LMBR1: variants seen among roughly 807,000 people sequenced by gnomAD.
LMBR1 encodes the protein limb development membrane protein 1.
LMBR1 carries 52 observed loss-of-function variants against 73.9 expected under a neutral mutation model. The ratio of observed to expected loss-of-function variants is 0.70; its 90% CI spans 0.56 to 0.89. The LOEUF (loss-of-function observed/expected upper bound fraction) is 0.89. Among genes scored for constraint, LMBR1 ranks in the 40% least tolerant of loss-of-function variants. The pLI, the probability that LMBR1 is intolerant of heterozygous loss-of-function variation, is 0.00. For missense variants in LMBR1, 539 were observed against 579.8 expected (o/e 0.93, Z 0.72); for synonymous variants, 215 against 209.4 (o/e 1.03, Z -0.23).
At chr7:156,674,812 G>C (rs539131506), downstream of LMBR1, among the ~76,000 whole-genome samples, 1 of 152,186 alleles carries the variant, frequency 6.6e-6, no homozygotes, top group Non-Finnish European at 1.5e-5. Flanking sequence ...TAATGTGACT[G>C]CCAGAAATTT....
chr7:156,674,647 T>G (rs1260165578), downstream of LMBR1, among the ~76,000 whole-genome samples: 1 of 152,086 alleles, frequency 6.6e-6, no homozygotes, highest in Non-Finnish European at 1.5e-5. Flanking sequence ...GCACTCCAGT[T>G]TGGGTGACAG....
rs147178183 is a variant in LMBR1 at position 156,692,799 on chromosome 7, G to A, written c.1226-4608C>T. ...CAACTGACCAGTGTATGCTTGTGGG[G>A]AGCAACTAATCAAGAAATGAAGCAG... On this transcript the variant is annotated intron_variant, in intron 15 of 16. Transcript: ENST00000353442. Among the ~76,000 whole-genome samples, 635 of 152,294 alleles carry A rather than the reference G, an allele frequency of 4.2e-3. 2 individuals are homozygous for A. The highest frequency in any genetic ancestry group is 0.014 in the African/African-American group (596 of 41,576).
chr7:156,796,281 A>AT, intron 5 of LMBR1, 108 bp downstream of exon 5: 1 of 698,586 alleles, frequency 1.4e-6, no homozygotes, highest in Non-Finnish European at 2.4e-6. Flanking sequence ...TTTACTACGC[A>AT]TTTTTTATAT....
intron 15 of LMBR1, among the ~76,000 whole-genome samples, chr7:156,701,085 A>T (rs1585255293): frequency 6.6e-6 from 1 of 151,966 alleles, no homozygotes; most frequent in African/African-American, 2.4e-5. Flanking sequence ...TGATTCAATT[A>T]CCTCCCACCA....
At chr7:156,887,475 A>G (rs932609525) in intron 1 of LMBR1, among the ~76,000 whole-genome samples, 4 of 151,820 alleles carry the variant, frequency 2.6e-5, no homozygotes, top group Non-Finnish European at 5.9e-5. Flanking sequence ...AAAAAAAAAA[A>G]AAAAAAAAAA....
intron 3 of LMBR1, among the ~76,000 whole-genome samples, chr7:156,829,227 A>T (rs1012055775): frequency 8.5e-5 from 13 of 152,180 alleles, no homozygotes; most frequent in African/African-American, 3.1e-4. Context: ...CTTTACTAAG[A>T]ATTCTTTGTT....
intron 5 of LMBR1, among the ~76,000 whole-genome samples, chr7:156,793,732 G>A (rs964567349): frequency 1.3e-5 from 2 of 152,144 alleles, no homozygotes; most frequent in South Asian, 4.1e-4. Flanking sequence ...TGCATTTAAA[G>A]ACTACCTCGA....
rs1357981668 is a variant in LMBR1, at chr7:156,669,590, G to A, written n.867-303C>T. 1.3e-5 allele frequency among the ~76,000 whole-genome samples: 2 copies of A among 152,194 alleles called. No individual in the cohort carries two copies. Among genetic ancestry groups the A allele is most frequent in the African/African-American group, 4.8e-5 (2 of 41,446 alleles). On this transcript the variant is annotated intron_variant and non_coding_transcript_variant, in intron 4 of 4. Transcript: ENST00000430825. This position sits in a 1 kb window ranked among gnomAD's most constrained non-coding sequence, Gnocchi z 4.2. Reference sequence around the variant, plus strand: ...CAGACCCCTGTGAGGCCCTGAGCTGGGCGCTGAGCAGATAGGTCATTTTCA... The same window carrying A: ...CAGACCCCTGTGAGGCCCTGAGCTGAGCGCTGAGCAGATAGGTCATTTTCA...
intron 8 of LMBR1, among the ~76,000 whole-genome samples, chr7:156,756,954 C>G (rs1445457073): frequency 6.6e-6 from 1 of 152,094 alleles, no homozygotes; most frequent in Non-Finnish European, 1.5e-5. Flanking sequence ...GTAGCTGGAA[C>G]TACAGGCACA....
At chr7:156,699,400 T>G (rs1321251748) in intron 15 of LMBR1, among the ~76,000 whole-genome samples, 2 of 151,660 alleles carry the variant, frequency 1.3e-5, no homozygotes, top group African/African-American at 2.4e-5. Context: ...ATACAAAAAT[T>G]AATTCAAGAT....
At chr7:156,836,973 A>G (rs1198234694) in intron 1 of LMBR1, 88 bp from the exon 2 acceptor site, 1 of 840,412 alleles carries the variant, frequency 1.2e-6, no homozygotes, top group Non-Finnish European at 1.8e-6. Flanking sequence ...TTTATAGGAA[A>G]AAAGGATTTA....
intron 1 of LMBR1, 78 bp downstream of exon 1, chr7:156,892,850 G>GT (rs1563650384): frequency 1.6e-6 from 1 of 632,440 alleles, no homozygotes; most frequent in East Asian, 5.0e-5. Context: ...GGGGTCCGGG[G>GT]ACCGGGGGCC....
intron 15 of LMBR1, among the ~76,000 whole-genome samples, chr7:156,700,804 C>A (rs1278259505): frequency 6.6e-6 from 1 of 152,130 alleles, no homozygotes; most frequent in Non-Finnish European, 1.5e-5. Context: ...TTCAGCAGTG[C>A]CCCATTCTAC....
chr7:156,783,586 T>C (rs956505532), intron 5 of LMBR1, among the ~76,000 whole-genome samples: 5 of 152,260 alleles, frequency 3.3e-5, no homozygotes, highest in African/African-American at 9.6e-5. Flanking sequence ...GCTATTATAA[T>C]TGATTTTCAG....
At chr7:156,749,839 G>A (rs1211314682) in intron 9 of LMBR1, among the ~76,000 whole-genome samples, 4 of 151,942 alleles carry the variant, frequency 2.6e-5, no homozygotes, top group Admixed American at 2.6e-4. Flanking sequence ...ACAGGCACCT[G>A]CCACCACACC....
At chr7:156,781,497 C>A (rs970588213) in intron 5 of LMBR1, among the ~76,000 whole-genome samples, 2 of 152,056 alleles carry the variant, frequency 1.3e-5, no homozygotes, top group African/African-American at 4.8e-5. Flanking sequence ...TGCATACATA[C>A]ATATTAGTAT....
At chr7:156,695,759 T>C (rs1425354845) in intron 15 of LMBR1, among the ~76,000 whole-genome samples, 1 of 151,938 alleles carries the variant, frequency 6.6e-6, no homozygotes, top group South Asian at 2.1e-4. Flanking sequence ...CACAAAACAA[T>C]TTTTTAAAAA....
intron 15 of LMBR1, among the ~76,000 whole-genome samples, chr7:156,694,643 G>A (rs917080343): frequency 6.6e-6 from 1 of 152,158 alleles, no homozygotes; most frequent in Non-Finnish European, 1.5e-5. Context: ...ATCTACATAT[G>A]CAGTTGAAAT....
intron 15 of LMBR1, among the ~76,000 whole-genome samples, chr7:156,707,760 T>C (rs1481057281): frequency 1.3e-5 from 2 of 151,928 alleles, no homozygotes; most frequent in African/African-American, 4.8e-5. Flanking sequence ...CAGCCAAAAA[T>C]CATAAGAACT....
Sources: gnomAD v4.1 joint callset for allele counts (sites outside exome capture counted in the v4.1 genomes callset) on GRCh38, gnomAD v4.1.1 for gene constraint, Gnocchi (gnomAD v3.1) non-coding constraint, MANE v1.5 for transcripts, NCBI Gene and HGNC (gene_info 2026-07-23, HGNC 2026-07-21) for gene names.